The following CHFR variants were observed in gnomAD, a reference collection of about 807,000 sequenced individuals.
The protein encoded by CHFR is E3 ubiquitin-protein ligase CHFR.
Under a neutral mutation model 87.6 loss-of-function variants are expected in CHFR, and 57 were observed. The observed-to-expected ratio is 0.65, with a 90% CI of 0.53 to 0.81. The LOEUF is 0.81. Among genes scored for constraint, CHFR ranks in the 30% least tolerant of loss-of-function variants. The pLI, the probability that CHFR is intolerant of heterozygous loss-of-function variation, is 0.00. For missense variants in CHFR, 797 were observed against 865.8 expected, an observed-to-expected ratio of 0.92 and a Z score of 1.00; for synonymous variants, 381 against 359.2, an observed-to-expected ratio of 1.06 and a Z score of -0.69.
chr12:132,853,423 C>T lies in CHFR; in HGVS notation c.1372+8G>A, dbSNP rs374668913. 2.6e-5 allele frequency: 40 copies of T among 1,516,892 alleles called. No individual in the cohort carries two copies. In the East Asian group the frequency reaches 8.6e-4, roughly 32 times the overall value. 94.0% of individuals were successfully genotyped at this position (1,516,892 alleles called of 1,614,324 possible). A position where few individuals can be genotyped will look rare whatever the true frequency, so the allele number is the denominator to read the frequency against. On this transcript the variant is annotated splice_region_variant and intron_variant, in intron 11 of 17. Transcript: ENST00000450056. ...CGAAGGCTGAGGCCTGAGGGCGGCGCGGCTCACCTGTCGTCAGGCTGACGG... is the reference window on the plus strand; with the variant it reads ...CGAAGGCTGAGGCCTGAGGGCGGCGTGGCTCACCTGTCGTCAGGCTGACGG...
intron 3 of CHFR, among the ~76,000 whole-genome samples, chr12:132,876,086 G>A (rs935526135): frequency 4.0e-5 from 6 of 151,732 alleles, no homozygotes; most frequent in Admixed American, 3.3e-4. Flanking sequence ...TGGGGCAGGA[G>A]AATGGCTGGA....
In CHFR at chr12:132,837,150, G is replaced by C; in HGVS notation, c.*4404C>G. On this transcript the variant is annotated 3_prime_UTR_variant, in exon 18 of 18. Coordinates refer to ENST00000450056, the MANE Select transcript of CHFR (RefSeq NM_001161346.2). ...AGGGGCTCCAGGAGAAGCAGGTAGGGAGAAGAGGTTTTCTGAGGGGTGGAG... is the reference window on the plus strand; with the variant it reads ...AGGGGCTCCAGGAGAAGCAGGTAGGCAGAAGAGGTTTTCTGAGGGGTGGAG... 3.6e-6 allele frequency: 1 copy of C among 280,736 alleles called. No individual in the cohort carries two copies. 17.4% of individuals were successfully genotyped at this position (280,736 alleles called of 1,614,324 possible). A position where few individuals can be genotyped will look rare whatever the true frequency, so the allele number is the denominator to read the frequency against.
Position 132,838,791 on chromosome 12 carries a change from T to C in CHFR, c.*2763A>G, listed in dbSNP as rs1030877756. Reference sequence around the variant, plus strand: ...GAGGACGAGGAAGTACAGAAGCTCATGAAAAGACGGAATGAGTTCACGGCC... The same window carrying C: ...GAGGACGAGGAAGTACAGAAGCTCACGAAAAGACGGAATGAGTTCACGGCC... On this transcript the variant is annotated 3_prime_UTR_variant, in exon 18 of 18. Transcript: ENST00000450056. 6.6e-6 allele frequency: 1 copy of C among 152,214 alleles called. No homozygotes were observed. Among genetic ancestry groups the C allele is most frequent in the African/African-American group, 2.4e-5 (1 of 41,426 alleles). 9.4% of individuals were successfully genotyped at this position (152,214 alleles called of 1,614,324 possible). A position where few individuals can be genotyped will look rare whatever the true frequency, so the allele number is the denominator to read the frequency against.
chr12:132,853,564 G>GT lies in CHFR; in HGVS notation c.1238dup (p.Tyr413Ter). 1 of 1,529,790 alleles carries GT rather than the reference G, an allele frequency of 6.5e-7. No individual in the cohort carries two copies. The highest frequency in any genetic ancestry group is 2.5e-5 in the East Asian group (1 of 39,424). The allele number at this position is 1,529,790 out of a possible 1,614,324, so 94.8% of individuals were successfully genotyped here. The change falls in exon 11 of 18, where the codon TAC (tyrosine) becomes TAAC (stop). Residue 413 changes from tyrosine (Y) to a stop codon, truncating the protein, a stop_gained and frameshift_variant. Coordinates refer to ENST00000450056, the MANE Select transcript of CHFR (RefSeq NM_001161346.2). LOFTEE classifies it high-confidence loss of function. ...ACTCAGGACACTGCCGGCACACGAC[G>GT]TATGGCTGGCTGCAAGGAAGCACAG... ...DSESSDISQP[Y>*]VVCRQCPEYR...
chr12:132,886,565 T>C (rs1951899903), intron 2 of CHFR, among the ~76,000 whole-genome samples: 1 of 152,168 alleles, frequency 6.6e-6, no homozygotes, highest in South Asian at 2.1e-4. Context: ...CTTGGGAGAC[T>C]GGAGGCAGTG....
chr12:132,845,986 G>A (rs149619653), intron 15 of CHFR, among the ~76,000 whole-genome samples: 23 of 152,150 alleles, frequency 1.5e-4, no homozygotes, highest in African/African-American at 5.3e-4. Flanking sequence ...TAAATATGAA[G>A]GGCTGTAGAA....
chr12:132,845,781 G>A (rs1175389055), intron 15 of CHFR, among the ~76,000 whole-genome samples: 1 of 151,886 alleles, frequency 6.6e-6, no homozygotes, highest in Non-Finnish European at 1.5e-5. Context: ...AAGTCCCCGA[G>A]GGTCCCAGGA....
rs889820400 is a variant in CHFR, at chr12:132,833,785, C to G, written c.*7769G>C. 3 of 151,898 alleles carry G rather than the reference C, an allele frequency of 2.0e-5. No individual in the cohort carries two copies. The highest frequency in any genetic ancestry group is 4.4e-5 in the Non-Finnish European group (3 of 68,108). The allele number at this position is 151,898 out of a possible 1,614,324, so 9.4% of individuals were successfully genotyped here. Reference sequence around the variant, plus strand: ...TGACATTGCGCCACTGCCCTCCAGCCCTGACAACAGAGCAAGACACTGTCT... The same window carrying G: ...TGACATTGCGCCACTGCCCTCCAGCGCTGACAACAGAGCAAGACACTGTCT... On this transcript the variant is annotated 3_prime_UTR_variant, in exon 18 of 18. Transcript: ENST00000450056.
At position 132,837,422 on chromosome 12, in the gene CHFR, C is replaced by G. The variant is rs1950655914; in HGVS notation, c.*4132G>C. On this transcript the variant is annotated 3_prime_UTR_variant, in exon 18 of 18. Coordinates refer to ENST00000450056, the MANE Select transcript of CHFR (RefSeq NM_001161346.2). ...CAGTGCAAACACTCCTCCCAGGGCC[C>G]ATTCCAACCAGGCCAACTGAGCTGA... 1.3e-5 allele frequency: 2 copies of G among 153,734 alleles called. No individual in the cohort carries two copies. The highest frequency in any genetic ancestry group is 4.8e-5 in the African/African-American group (2 of 41,444). 9.5% of individuals were successfully genotyped at this position (153,734 alleles called of 1,614,324 possible).
At chr12:132,842,792 A>G (rs922152114) in intron 17 of CHFR, among the ~76,000 whole-genome samples, 2 of 152,258 alleles carry the variant, frequency 1.3e-5, no homozygotes, top group African/African-American at 2.4e-5. Flanking sequence ...CAGACAACAG[A>G]TAAAGCTACT....
At position 132,857,487 on chromosome 12, in the gene CHFR, A is replaced by C; in HGVS notation, c.984T>G (p.Pro328=). 6.2e-7 allele frequency: 1 copy of C among 1,614,200 alleles called. No homozygotes were observed. The highest frequency in any genetic ancestry group is 1.1e-5 in the South Asian group (1 of 91,088). The change falls in exon 9 of 18, where the codon CCT becomes CCG. Residue 328 remains proline (P), a synonymous_variant. Transcript: ENST00000450056. ...SGWMERSSLC[P]TCRCPVERIC... is the part of the protein sequence containing the mutation. ...TCCGCTCCACGGGACAGCGGCAGGT[A>C]GGACACAGGGACGAGCGCTCCATCC...
chr12:132,857,607 C>A, intron 8 of CHFR, 48 bp from the exon 9 acceptor site: 1 of 1,583,734 alleles, frequency 6.3e-7, no homozygotes, highest in South Asian at 1.1e-5. Flanking sequence ...CAGATGCAAC[C>A]GCGACCCTCG....
intron 2 of CHFR, among the ~76,000 whole-genome samples, chr12:132,881,657 A>T (rs970531914): frequency 2.0e-5 from 3 of 152,032 alleles, no homozygotes; most frequent in Non-Finnish European, 4.4e-5. Flanking sequence ...CACATGGTCA[A>T]GAGATTGAGA....
chr12:132,845,316 G>A (rs1291361600), intron 15 of CHFR, among the ~76,000 whole-genome samples: 2 of 152,036 alleles, frequency 1.3e-5, no homozygotes, highest in East Asian at 3.9e-4. Context: ...AAAATTAGCT[G>A]GGCATGTTGG....
chr12:132,844,754 C>T (rs986364800), intron 15 of CHFR, among the ~76,000 whole-genome samples: 1 of 152,156 alleles, frequency 6.6e-6, no homozygotes, highest in Non-Finnish European at 1.5e-5. Context: ...TCTCAGCCTC[C>T]CGAGTAGCTG....
chr12:132,845,009 A>T (rs1950787942), intron 15 of CHFR, among the ~76,000 whole-genome samples: 1 of 152,236 alleles, frequency 6.6e-6, no homozygotes, highest in African/African-American at 2.4e-5. Flanking sequence ...ATTTCTAAGT[A>T]TGTCTTGAAA....
chr12:132,852,186 C>A (rs1950964174), intron 11 of CHFR, among the ~76,000 whole-genome samples: 1 of 150,836 alleles, frequency 6.6e-6, no homozygotes, highest in Non-Finnish European at 1.5e-5. Context: ...GACAGGGTTT[C>A]ACCATGTTAG....
intron 11 of CHFR, 44 bp from the exon 12 acceptor site, chr12:132,851,781 C>A (rs1014623341): frequency 6.3e-7 from 1 of 1,581,716 alleles, no homozygotes; most frequent in Non-Finnish European, 8.6e-7. Context: ...GGACCCAGGG[C>A]AGAAAGACAG....
intron 10 of CHFR, 142 bp downstream of exon 10, chr12:132,856,326 C>T (rs1198221153): frequency 4.6e-6 from 4 of 868,840 alleles, no homozygotes; most frequent in Middle Eastern, 3.6e-4. Context: ...AGAAAACAAG[C>T]TCAAGCCATT....
Sources: gnomAD v4.1 joint callset for allele counts (sites outside exome capture counted in the v4.1 genomes callset) on GRCh38, gnomAD v4.1.1 for gene constraint, MANE v1.5 for transcripts, NCBI Gene and HGNC (gene_info 2026-07-23, HGNC 2026-07-21) for gene names.